The following GPC5 variants were observed in gnomAD, a reference collection of about 807,000 sequenced individuals.
GPC5 encodes the protein glypican-5.
In GPC5, 47 loss-of-function variants were observed where a neutral mutation model predicts 53.9. That is an observed-to-expected ratio of 0.87 (90% confidence interval 0.69 to 1.11). The LOEUF (loss-of-function observed/expected upper bound fraction) is 1.11, where lower values mean the gene tolerates loss of function less well. GPC5 is among the 50% of genes most tolerant of loss of function. The pLI, the probability that GPC5 is intolerant of heterozygous loss-of-function variation, is 0.00. For missense variants in GPC5, 748 were observed against 713.1 expected, an observed-to-expected ratio of 1.05 and a Z score of -0.56; for synonymous variants, 286 against 263.3, an observed-to-expected ratio of 1.09 and a Z score of -0.84.
At chr13:92,096,199 T>C (rs1181606850) in intron 6 of GPC5, among the ~76,000 whole-genome samples, 1 of 152,190 alleles carries the variant, frequency 6.6e-6, no homozygotes, top group African/African-American at 2.4e-5. Context: ...AGATATATAG[T>C]TTTTATTTCT....
At chr13:92,468,290 C>T (rs1216356726) in intron 7 of GPC5, among the ~76,000 whole-genome samples, 1 of 152,106 alleles carries the variant, frequency 6.6e-6, no homozygotes, top group Non-Finnish European at 1.5e-5. Context: ...TACAACTTCA[C>T]AAGAGAAACG....
chr13:92,343,861 A>C (rs936780312), intron 7 of GPC5, among the ~76,000 whole-genome samples: 5 of 152,128 alleles, frequency 3.3e-5, no homozygotes, highest in Non-Finnish European at 5.9e-5. Flanking sequence ...CCATATCAAA[A>C]AGTTTTCAGG....
intron 7 of GPC5, among the ~76,000 whole-genome samples, chr13:92,359,178 GA>G (rs2043546340): frequency 6.6e-6 from 1 of 151,668 alleles, no homozygotes; most frequent in Non-Finnish European, 1.5e-5. Context: ...TCTTTTGCTA[GA>G]TATCCTAAAT....
intron 7 of GPC5, among the ~76,000 whole-genome samples, chr13:92,523,990 T>C (rs1477103614): frequency 6.6e-6 from 1 of 152,130 alleles, no homozygotes; most frequent in African/African-American, 2.4e-5. Flanking sequence ...ATCTTTTTGA[T>C]GATAGAGGGT....
chr13:92,327,102 C>T (rs952764087), intron 7 of GPC5, among the ~76,000 whole-genome samples: 1 of 152,126 alleles, frequency 6.6e-6, no homozygotes, highest in Non-Finnish European at 1.5e-5. Flanking sequence ...AAAATGGTCT[C>T]TTTACAAAAT....
chr13:92,710,406 T>G (rs1444103896), intron 7 of GPC5, among the ~76,000 whole-genome samples: 2 of 152,182 alleles, frequency 1.3e-5, no homozygotes, highest in African/African-American at 2.4e-5. Flanking sequence ...AGAAAAAAAG[T>G]TTTTAAAAAG....
intron 4 of GPC5, among the ~76,000 whole-genome samples, chr13:91,743,770 C>T (rs2036987994): frequency 6.6e-6 from 1 of 152,090 alleles, no homozygotes; most frequent in Non-Finnish European, 1.5e-5. Context: ...TAACCATTTC[C>T]AGGGCACACA....
intron 2 of GPC5, among the ~76,000 whole-genome samples, chr13:91,556,120 C>T (rs2030934055): frequency 6.6e-6 from 1 of 151,914 alleles, no homozygotes. Flanking sequence ...CTTTGTTCTC[C>T]ATTTCAATTA....
intron 7 of GPC5, among the ~76,000 whole-genome samples, chr13:92,787,667 C>CAAAAAAAAAAAAAAAAAAAAAA (rs71202562): frequency 3.4e-4 from 19 of 56,184 alleles, no homozygotes; most frequent in East Asian, 2.4e-3. Context: ...CTCATAGCTA[C>CAAAAAAAAAAAAAAAAAAAAAA]AAAAAAAAAA....
chr13:92,750,938 CA>C lies in GPC5; in HGVS notation c.1562-115338del, dbSNP rs558041143. On this transcript the variant is annotated intron_variant, in intron 7 of 7. Transcript: ENST00000377067. ...CACACTAAAAGCATTTCTATAGAAACAAAAAAGAATGAGGAAAATTGTTATC... is the reference window on the plus strand; with the variant it reads ...CACACTAAAAGCATTTCTATAGAAACAAAAAGAATGAGGAAAATTGTTATC... Among the ~76,000 whole-genome samples, 210 of 151,896 alleles carry C rather than the reference CA, an allele frequency of 1.4e-3. 1 individual carries two copies. Among genetic ancestry groups the C allele is most frequent in the South Asian group, 4.4e-3 (21 of 4,814 alleles).
chr13:91,400,499 T>C (rs781395403), intron 1 of GPC5, among the ~76,000 whole-genome samples: 29 of 152,226 alleles, frequency 1.9e-4, no homozygotes, highest in Non-Finnish European at 2.4e-4. Context: ...AAATAAAATA[T>C]CGCCTTATAG....
At chr13:92,224,944 A>G (rs149778926) in intron 7 of GPC5, among the ~76,000 whole-genome samples, 39 of 152,322 alleles carry the variant, frequency 2.6e-4, no homozygotes, top group African/African-American at 7.2e-4. Context: ...ACTGAGTCCT[A>G]TAGTCCTAGC....
intron 6 of GPC5, among the ~76,000 whole-genome samples, chr13:91,987,590 A>G (rs2040420197): frequency 6.6e-6 from 1 of 151,654 alleles, no homozygotes; most frequent in South Asian, 2.1e-4. Context: ...TTGACAAATG[A>G]AGATGAATAA....
intron 7 of GPC5, among the ~76,000 whole-genome samples, chr13:92,572,389 T>C (rs1381084834): frequency 6.6e-6 from 1 of 152,158 alleles, no homozygotes; most frequent in Non-Finnish European, 1.5e-5. Context: ...TGTTGGGACA[T>C]TTTGGCCTTT....
intron 7 of GPC5, among the ~76,000 whole-genome samples, chr13:92,768,889 A>G (rs556554400): frequency 7.0e-4 from 106 of 152,064 alleles, no homozygotes; most frequent in Non-Finnish European, 1.2e-3. Flanking sequence ...TGAACAACTT[A>G]AATCAGTATT....
chr13:92,116,608 T>A (rs909185390), intron 6 of GPC5, among the ~76,000 whole-genome samples: 1 of 152,248 alleles, frequency 6.6e-6, no homozygotes, highest in Non-Finnish European at 1.5e-5. Flanking sequence ...AAACAATGTA[T>A]GCTAAACATC....
intron 7 of GPC5, among the ~76,000 whole-genome samples, chr13:92,454,069 A>C (rs1321500538): frequency 1.3e-5 from 2 of 152,226 alleles, no homozygotes; most frequent in Non-Finnish European, 2.9e-5. Flanking sequence ...CCTAAGTGTT[A>C]AACATATGTT....
At chr13:92,436,459 G>A (rs1363092679) in intron 7 of GPC5, among the ~76,000 whole-genome samples, 1 of 152,032 alleles carries the variant, frequency 6.6e-6, no homozygotes, top group Admixed American at 6.6e-5. Flanking sequence ...TTACTCATTT[G>A]CTTACAATAT....
intron 2 of GPC5, among the ~76,000 whole-genome samples, chr13:91,620,098 G>A (rs1243526047): frequency 5.3e-5 from 8 of 151,986 alleles, no homozygotes; most frequent in Admixed American, 5.3e-4. Context: ...GCTTAATAAC[G>A]GCTTGATTTC....
Sources: gnomAD v4.1 joint callset for allele counts (sites outside exome capture counted in the v4.1 genomes callset) on GRCh38, gnomAD v4.1.1 for gene constraint, MANE v1.5 for transcripts, NCBI Gene and HGNC (gene_info 2026-07-23, HGNC 2026-07-21) for gene names.